INTU: variants seen among roughly 807,000 people sequenced by gnomAD.
The protein encoded by INTU is protein inturned.
In INTU, 68 loss-of-function variants were observed where a neutral mutation model predicts 100.5. That is an observed-to-expected ratio of 0.68 (90% CI 0.56 to 0.83). The LOEUF (loss-of-function observed/expected upper bound fraction) is 0.83, where lower values mean the gene tolerates loss of function less well. Ranked by LOEUF, INTU falls within the 40% of genes least tolerant of loss-of-function variation. INTU has a pLI of 0.00. For missense variants in INTU, 1,071 were observed against 1,114.7 expected (o/e 0.96, Z 0.56); for synonymous variants, 357 against 395.7 (o/e 0.90, Z 1.16).
At chr4:127,641,112 C>G (rs1727312948) in intron 1 of INTU, among the ~76,000 whole-genome samples, 1 of 151,924 alleles carries the variant, frequency 6.6e-6, no homozygotes, top group Admixed American at 6.6e-5. Context: ...TCTACTATTG[C>G]TTTATTTGTC....
chr4:127,647,770 A>G (rs1022763163), intron 2 of INTU, among the ~76,000 whole-genome samples: 3 of 152,210 alleles, frequency 2.0e-5, no homozygotes, highest in Non-Finnish European at 4.4e-5. Context: ...AATTCCATAT[A>G]CCCAAAGACA....
Position 127,725,115 on chromosome 4 carries a change from G to A in INTU, c.*8679G>A, listed in dbSNP as rs1731398468. On this transcript the variant is annotated 3_prime_UTR_variant, in exon 16 of 16. Transcript: ENST00000335251. Reference sequence around the variant, plus strand: ...AGGCTGGTCAACATGGTGAAACCCTGTCTCTACTAAAAATACTAAAAAAAA... The same window carrying A: ...AGGCTGGTCAACATGGTGAAACCCTATCTCTACTAAAAATACTAAAAAAAA... The A allele has an allele frequency of 7.2e-6, 1 of 138,480 alleles. No homozygotes were observed. Among genetic ancestry groups the A allele is most frequent in the Admixed American group, 7.7e-5 (1 of 12,994 alleles). The allele number at this position is 138,480 out of a possible 1,614,324, so 8.6% of individuals were successfully genotyped here.
At chr4:127,702,119 A>G (rs536419496) in intron 9 of INTU, among the ~76,000 whole-genome samples, 63 of 152,110 alleles carry the variant, frequency 4.1e-4, no homozygotes, top group Admixed American at 1.2e-3. Context: ...ATAGAACACT[A>G]TTTTAATGAG....
intron 2 of INTU, among the ~76,000 whole-genome samples, chr4:127,653,430 C>G (rs1479669339): frequency 2.8e-5 from 4 of 145,288 alleles, no homozygotes; most frequent in African/African-American, 5.1e-5. Context: ...TGTCTTTGTT[C>G]TCGTTGGTTT....
intron 2 of INTU, among the ~76,000 whole-genome samples, chr4:127,645,903 C>T (rs986822794): frequency 1.3e-5 from 2 of 151,890 alleles, no homozygotes; most frequent in Non-Finnish European, 2.9e-5. Flanking sequence ...TTTGGATAGG[C>T]CTGGCGTGGT....
intron 5 of INTU, among the ~76,000 whole-genome samples, chr4:127,672,777 GA>G (rs1365870680): frequency 6.6e-6 from 1 of 151,948 alleles, no homozygotes; most frequent in African/African-American, 2.4e-5. Context: ...TGTTCTGTGT[GA>G]AAAAATTTAT....
chr4:127,683,605 G>A (rs1446085880), intron 6 of INTU, among the ~76,000 whole-genome samples: 1 of 152,108 alleles, frequency 6.6e-6, no homozygotes, highest in African/African-American at 2.4e-5. Context: ...GGTGAGAAAA[G>A]TGCTGTCCCA....
rs557702689 is a variant in INTU at position 127,724,097 on chromosome 4, A to G, written c.*7661A>G. ...GTTAAAGACACTGAAAAAGTTAACT[A>G]AAATTCTATGGTGACTTCTTTTATA... On this transcript the variant is annotated 3_prime_UTR_variant, in exon 16 of 16. Coordinates refer to ENST00000335251, the MANE Select transcript of INTU (RefSeq NM_015693.4). The G allele has an allele frequency of 4.6e-5, 7 of 152,228 alleles. No individual in the cohort carries two copies. Among genetic ancestry groups the G allele is most frequent in the African/African-American group, 1.7e-4 (7 of 41,524 alleles). 9.4% of individuals were successfully genotyped at this position (152,228 alleles called of 1,614,324 possible).
At chr4:127,689,020 C>T (rs28655300) in intron 8 of INTU, among the ~76,000 whole-genome samples, 4,821 of 129,904 alleles carry the variant, frequency 0.037, 301 homozygotes, top group African/African-American at 0.13. Flanking sequence ...TTTGTCACCC[C>T]AGCTGGAGTG....
Position 127,700,066 on chromosome 4 carries a change from A to C in INTU, c.1503+3A>C. The C allele has an allele frequency of 6.2e-7, 1 of 1,603,074 alleles. No individual in the cohort carries two copies. Among genetic ancestry groups the C allele is most frequent in the Non-Finnish European group, 8.5e-7 (1 of 1,173,278 alleles). On this transcript the variant is annotated splice_donor_region_variant and intron_variant, in intron 9 of 15. Coordinates refer to ENST00000335251, the MANE Select transcript of INTU (RefSeq NM_015693.4). ...AGGCTGCAGATTTTGCAGAACTGGT[A>C]AGGGAAGGAGTGGATTTTATAAAAG...
intron 8 of INTU, among the ~76,000 whole-genome samples, chr4:127,695,466 G>A (rs1487956269): frequency 6.6e-6 from 1 of 152,164 alleles, no homozygotes; most frequent in Non-Finnish European, 1.5e-5. Flanking sequence ...ATTAAGCCGG[G>A]TGTGGTGGCA....
chr4:127,665,357 C>G (rs1431375083), intron 4 of INTU, among the ~76,000 whole-genome samples: 2 of 151,536 alleles, frequency 1.3e-5, no homozygotes, highest in Non-Finnish European at 2.9e-5. Flanking sequence ...CTCACTTTTT[C>G]TTTACTCATC....
rs764841291 is a variant in INTU at position 127,643,771 on chromosome 4, A to G, written c.397A>G (p.Ser133Gly). The G allele has an allele frequency of 1.4e-5, 23 of 1,613,576 alleles. No homozygotes were observed. The South Asian group carries it at 2.1e-4, about 15-fold the overall frequency. Residue 133 changes from serine (S) to glycine (G), a missense_variant, in exon 2 of 16, where the codon AGC becomes GGC. Physicochemically the swap from Ser to Gly is moderately conservative, Grantham distance 56. Coordinates refer to ENST00000335251, the MANE Select transcript of INTU (RefSeq NM_015693.4). ...ACCCAAGCGCTGCAATAAAAAAAAT[A>G]GCAATGACAATGGACCAGTATCCAT... The part of the protein sequence containing the change: ...LLPKRCNKKN[S>G]NDNGPVSILK...
chr4:127,662,304 G>C (rs896851996), intron 3 of INTU, among the ~76,000 whole-genome samples: 2 of 152,014 alleles, frequency 1.3e-5, no homozygotes, highest in African/African-American at 4.8e-5. Flanking sequence ...ATTTATTTTC[G>C]TTTTTGTTGC....
rs1409348222 is a variant in INTU at position 127,711,080 on chromosome 4, T to C, written c.2537T>C (p.Phe846Ser). ...HQCCLSIRAVFQQTLVEEKKK... is the reference protein window; with the variant it reads ...HQCCLSIRAVSQQTLVEEKKK... The stretch of plus-strand genomic sequence containing the variant: ...TGTTGTCTTTCCATTCGTGCAGTTT[T>C]CCAACAGACATTGGTGGAAGAGGTA... The change falls in exon 14 of 16, where the codon TTC (phenylalanine) becomes TCC (serine). Residue 846 changes from phenylalanine to serine, a missense_variant. Physicochemically the swap from Phe to Ser is radical, Grantham distance 155 (BLOSUM62 -2). Transcript: ENST00000335251. 6.3e-7 allele frequency: 1 copy of C among 1,593,572 alleles called. No individual in the cohort carries two copies. The highest frequency in any genetic ancestry group is 8.6e-7 in the Non-Finnish European group (1 of 1,165,118).
Position 127,716,394 on chromosome 4 carries a change from C to T in INTU, c.2787C>T (p.Ala929=), listed in dbSNP as rs147854962. 3.5e-4 allele frequency: 557 copies of T among 1,591,190 alleles called. No individual in the cohort carries two copies. The highest frequency in any genetic ancestry group is 4.4e-4 in the Non-Finnish European group (513 of 1,168,950). ...VCFHDSVTEI[A]IEIAFKLFFG... Reference sequence around the variant, plus strand: ...TTCATGACTCAGTCACAGAAATTGCCATTGAAATAGCTTTTAAATTGTTCT... The same window carrying T: ...TTCATGACTCAGTCACAGAAATTGCTATTGAAATAGCTTTTAAATTGTTCT... Residue 929 remains alanine (A), a synonymous_variant, in exon 16 of 16, where the codon GCC becomes GCT. Transcript: ENST00000335251.
rs1299932357 is a variant in INTU, at chr4:127,633,185, G to A, written c.146+5G>A. The A allele has an allele frequency of 6.2e-7, 1 of 1,611,736 alleles. No individual in the cohort carries two copies. Among genetic ancestry groups the A allele is most frequent in the East Asian group, 2.2e-5 (1 of 44,808 alleles). On this transcript the variant is annotated splice_donor_5th_base_variant and intron_variant, in intron 1 of 15. Transcript: ENST00000335251. ...CTCAGCGAGTAGCGATTATGAGTAA[G>A]GTTTTCAAAGAGGGACAATTAATCC...
intron 3 of INTU, among the ~76,000 whole-genome samples, chr4:127,658,408 C>G (rs933542448): frequency 1.3e-5 from 2 of 152,138 alleles, no homozygotes; most frequent in African/African-American, 4.8e-5. Flanking sequence ...TGTACTGTTA[C>G]CCACTTTAGT....
chr4:127,666,228 C>G (rs1728691478), intron 4 of INTU, among the ~76,000 whole-genome samples: 1 of 152,074 alleles, frequency 6.6e-6, no homozygotes, highest in Non-Finnish European at 1.5e-5. Flanking sequence ...GCTTGCTCAT[C>G]TTTGTGACTC....
Sources: gnomAD v4.1 joint callset for allele counts (sites outside exome capture counted in the v4.1 genomes callset) on GRCh38, gnomAD v4.1.1 for gene constraint, MANE v1.5 for transcripts, NCBI Gene and HGNC (gene_info 2026-07-23, HGNC 2026-07-21) for gene names.